Variants in ABCC5 observed in about 807,000 individuals in gnomAD.
ABCC5 encodes ATP-binding cassette sub-family C member 5.
Under a neutral mutation model 160.9 loss-of-function variants are expected in ABCC5, and 61 were observed. That is an observed-to-expected ratio of 0.38 (90% confidence interval 0.31 to 0.47). The LOEUF (loss-of-function observed/expected upper bound fraction) is 0.47, where lower values mean the gene tolerates loss of function less well. ABCC5 is among the 20% of genes least tolerant of loss of function. The pLI, the probability that ABCC5 is intolerant of heterozygous loss-of-function variation, is 0.99. For synonymous variants in ABCC5, 666 were observed against 700.6 expected (o/e 0.95, Z 0.78); for missense variants, 1,308 against 1,813.3 (o/e 0.72, Z 5.06).
intron 26 of ABCC5, among the ~76,000 whole-genome samples, chr3:183,936,330 T>C (rs1485836073): frequency 1.3e-5 from 2 of 152,112 alleles, no homozygotes; most frequent in African/African-American, 4.8e-5. Context: ...CAGTCTATGG[T>C]ATGTTGGTAT....
chr3:183,943,254 C>G (rs779701482), intron 24 of ABCC5, among the ~76,000 whole-genome samples: 1 of 152,178 alleles, frequency 6.6e-6, no homozygotes, highest in Non-Finnish European at 1.5e-5. Context: ...TCCACCCCTC[C>G]ACCACAGCAG....
chr3:183,920,534 G>A lies in ABCC5; in HGVS notation c.*766C>T, dbSNP rs1464691678. 4 of 152,676 alleles carry A rather than the reference G, an allele frequency of 2.6e-5. No individual in the cohort carries two copies. The highest frequency in any genetic ancestry group is 4.4e-5 in the Non-Finnish European group (3 of 68,060). 9.5% of individuals were successfully genotyped at this position (152,676 alleles called of 1,614,324 possible). Reference sequence around the variant, plus strand: ...AGGCAGGAAAGAAACTCCCCGGCTCGGAGGAATGTCTCTGTGATCCCCATT... The same window carrying A: ...AGGCAGGAAAGAAACTCCCCGGCTCAGAGGAATGTCTCTGTGATCCCCATT... On this transcript the variant is annotated 3_prime_UTR_variant, in exon 30 of 30. Transcript: ENST00000334444. The surrounding 1 kb of genome is among the most constrained non-coding windows in gnomAD (Gnocchi z 4.1).
intron 5 of ABCC5, chr3:183,984,567 T>G: frequency 7.5e-7 from 1 of 1,324,516 alleles, no homozygotes; most frequent in South Asian, 1.7e-5. Flanking sequence ...TCCTAGGAGA[T>G]CCCCACCAAT....
intron 17 of ABCC5, 27 bp from the exon 18 acceptor site, chr3:183,953,297 C>T (rs762279362): frequency 1.3e-6 from 2 of 1,573,866 alleles, no homozygotes; most frequent in Admixed American, 1.9e-5. Flanking sequence ...GAAACATGGA[C>T]TCAGAAGGGA....
chr3:183,931,447 C>T (rs1285205868), intron 26 of ABCC5, among the ~76,000 whole-genome samples: 2 of 152,112 alleles, frequency 1.3e-5, no homozygotes, highest in Non-Finnish European at 2.9e-5. Flanking sequence ...ATTCTCATGC[C>T]TCAGCCTCCC....
chr3:183,926,451 G>T (rs1250944283), intron 28 of ABCC5, among the ~76,000 whole-genome samples: 1 of 151,776 alleles, frequency 6.6e-6, no homozygotes, highest in Non-Finnish European at 1.5e-5. Flanking sequence ...TCGGGAGGCG[G>T]AGGCAAGAGA....
intron 5 of ABCC5, chr3:183,984,924 C>CTCCT (rs773888030): frequency 6.5e-7 from 1 of 1,542,522 alleles, no homozygotes; most frequent in South Asian, 1.2e-5. Context: ...TTGCCTTGGG[C>CTCCT]TCCTTCCTTC....
intron 26 of ABCC5, among the ~76,000 whole-genome samples, chr3:183,935,420 T>C (rs1489128446): frequency 1.3e-5 from 2 of 151,870 alleles, no homozygotes; most frequent in Non-Finnish European, 2.9e-5. Context: ...GACCTCGTGA[T>C]CCGCCCGCCT....
intron 5 of ABCC5, chr3:183,985,368 T>C (rs752414783): frequency 6.2e-7 from 1 of 1,613,956 alleles, no homozygotes; most frequent in Non-Finnish European, 8.5e-7. Flanking sequence ...AATACAGCCA[T>C]CCTGAAAATT....
chr3:183,967,691 T>C lies in ABCC5; in HGVS notation c.1833+4A>G. 6.2e-7 allele frequency: 1 copy of C among 1,612,214 alleles called. No homozygotes were observed. The highest frequency in any genetic ancestry group is 1.1e-5 in the South Asian group (1 of 91,030). ...GCAGAAAAGGACAATAACAAAAATC[T>C]TACCTGGCCTAAAATGGCTGAAATG... On this transcript the variant is annotated splice_donor_region_variant and intron_variant, in intron 12 of 29. Transcript: ENST00000334444.
At chr3:183,995,308 T>C (rs1720177833) in intron 2 of ABCC5, among the ~76,000 whole-genome samples, 1 of 152,174 alleles carries the variant, frequency 6.6e-6, no homozygotes, top group South Asian at 2.1e-4. Context: ...AATTTACCAA[T>C]TTTTTTCTTT....
chr3:183,936,665 G>A (rs1373494294), intron 26 of ABCC5, among the ~76,000 whole-genome samples: 4 of 152,154 alleles, frequency 2.6e-5, no homozygotes, highest in South Asian at 2.1e-4. Flanking sequence ...CCACCACCAC[G>A]CCCGGCTAAT....
At chr3:183,939,824 C>T (rs992427120) in intron 25 of ABCC5, among the ~76,000 whole-genome samples, 1 of 152,184 alleles carries the variant, frequency 6.6e-6, no homozygotes, top group East Asian at 1.9e-4. Context: ...AATCACTTTT[C>T]CTTGGCTGTA....
At position 183,927,385 on chromosome 3, in the gene ABCC5, G is replaced by A. The variant is rs752979438; in HGVS notation, c.3992C>T (p.Ser1331Leu). The A allele has an allele frequency of 6.2e-7, 1 of 1,613,866 alleles. No homozygotes were observed. The highest frequency in any genetic ancestry group is 2.2e-5 in the East Asian group (1 of 44,884). Residue 1331 changes from serine to leucine, a missense_variant, in exon 28 of 30, where the codon TCA becomes TTA. Ser to Leu is a moderately radical substitution (Grantham distance 145). Coordinates refer to ENST00000334444, the MANE Select transcript of ABCC5 (RefSeq NM_005688.4). ...GCACAAGAGCTGCCGTTCCCCCACT[G>A]AGAAGTTATCCCCATTCTCCATCAC... Reference protein sequence around the residue: ...SEVMENGDNFSVGERQLLCIA... With the variant: ...SEVMENGDNFLVGERQLLCIA...
At chr3:184,000,428 A>G (rs1720655282) in intron 2 of ABCC5, among the ~76,000 whole-genome samples, 2 of 152,194 alleles carry the variant, frequency 1.3e-5, no homozygotes, top group African/African-American at 4.8e-5. Context: ...TTGTACTGAA[A>G]AAGTAAAATA....
intron 29 of ABCC5, among the ~76,000 whole-genome samples, chr3:183,922,527 G>C (rs530183260): frequency 6.6e-6 from 1 of 152,332 alleles, no homozygotes; most frequent in East Asian, 1.9e-4. Context: ...AGAATGTCTA[G>C]TTGTCAGGGG....
rs771377667 is a variant in ABCC5 at position 183,950,013 on chromosome 3, C to T, written c.3057G>A (p.Gly1019=). ...GVFPWFLVAV[G]PLVILFSVLH... ...GGACTGAAAAGAGGATGACAAGGGG[C>T]CCCACTGCCACAAGGAACCACGGGA... is the stretch of plus-strand genomic sequence containing the variant. The change falls in exon 21 of 30, where the codon GGG becomes GGA. Residue 1019 remains glycine (G), a synonymous_variant. Transcript: ENST00000334444. The T allele has an allele frequency of 5.6e-6, 9 of 1,614,106 alleles. No homozygotes were observed. In the South Asian group the frequency reaches 7.7e-5, roughly 14 times the overall value.
At chr3:184,007,519 T>C (rs1228034142) in intron 2 of ABCC5, among the ~76,000 whole-genome samples, 1 of 152,108 alleles carries the variant, frequency 6.6e-6, no homozygotes, top group East Asian at 1.9e-4. Context: ...CCAAACTCCT[T>C]GGCTTATTAT....
chr3:183,994,832 C>T (rs1262651691), intron 2 of ABCC5, among the ~76,000 whole-genome samples: 1 of 149,902 alleles, frequency 6.7e-6, no homozygotes, highest in African/African-American at 2.5e-5. Flanking sequence ...AGTATCTGTT[C>T]AAGTCTTTTG....
Sources: gnomAD v4.1 joint callset for allele counts (sites outside exome capture counted in the v4.1 genomes callset) on GRCh38, gnomAD v4.1.1 for gene constraint, Gnocchi (gnomAD v3.1) non-coding constraint, MANE v1.5 for transcripts, NCBI Gene and HGNC (gene_info 2026-07-23, HGNC 2026-07-21) for gene names.